PHLDB2: variants seen among roughly 807,000 people sequenced by gnomAD.
PHLDB2 encodes the protein pleckstrin homology-like domain family B member 2.
In PHLDB2, 71 loss-of-function variants were observed where a neutral mutation model predicts 123.6. That is an observed-to-expected ratio of 0.57 (90% CI 0.47 to 0.70). PHLDB2 has a LOEUF of 0.70. Among genes scored for constraint, PHLDB2 ranks in the 30% least tolerant of loss-of-function variants. The pLI is 0.00. For missense variants in PHLDB2, 1,446 were observed against 1,519.5 expected (o/e 0.95, Z 0.80); for synonymous variants, 547 against 541.6 (o/e 1.01, Z -0.14).
chr3:111,938,592 A>G (rs1056650300), intron 6 of PHLDB2, among the ~76,000 whole-genome samples: 2 of 152,166 alleles, frequency 1.3e-5, no homozygotes, highest in African/African-American at 4.8e-5. Flanking sequence ...AAGAAAATAA[A>G]CAATTAAAAA....
At chr3:111,821,141 G>A (rs1409150756) in intron 1 of PHLDB2, among the ~76,000 whole-genome samples, 4 of 152,092 alleles carry the variant, frequency 2.6e-5, no homozygotes, top group East Asian at 1.9e-4. Flanking sequence ...TAGCTGAATC[G>A]GGCCTGCTTT....
intron 17 of PHLDB2, 38 bp from the exon 18 acceptor site, chr3:111,974,385 T>C (rs1471208363): frequency 5.2e-6 from 8 of 1,530,078 alleles, no homozygotes; most frequent in Non-Finnish European, 7.1e-6. Flanking sequence ...TATTTTAAGA[T>C]GTTTATTTTA....
intron 1 of PHLDB2, among the ~76,000 whole-genome samples, chr3:111,772,699 G>A (rs1015802198): frequency 6.6e-6 from 1 of 152,158 alleles, no homozygotes; most frequent in South Asian, 2.1e-4. Context: ...AAAGGTTGCC[G>A]CAAGAGAATA....
At chr3:111,854,923 T>C (rs1029268448), upstream of PHLDB2, among the ~76,000 whole-genome samples, 1 of 152,168 alleles carries the variant, frequency 6.6e-6, no homozygotes, top group Non-Finnish European at 1.5e-5. Flanking sequence ...AGTCGACCCC[T>C]TGGGGAGAGG....
chr3:111,886,031 A>G (rs2066142472), intron 2 of PHLDB2, among the ~76,000 whole-genome samples: 1 of 152,226 alleles, frequency 6.6e-6, no homozygotes, highest in South Asian at 2.1e-4. Flanking sequence ...ATTTATACTT[A>G]TTGTTGAAAT....
intron 1 of PHLDB2, among the ~76,000 whole-genome samples, chr3:111,813,529 T>G (rs142496749): frequency 1.9e-3 from 288 of 152,280 alleles, no homozygotes; most frequent in African/African-American, 6.6e-3. Flanking sequence ...ATAAATGTAA[T>G]AGTAAATGTT....
chr3:111,867,359 T>C (rs1226430712), intron 1 of PHLDB2, among the ~76,000 whole-genome samples: 1 of 152,194 alleles, frequency 6.6e-6, no homozygotes, highest in Non-Finnish European at 1.5e-5. Context: ...GTAGCTTTTT[T>C]AAAAGATACT....
chr3:111,822,166 T>A (rs776970896), intron 1 of PHLDB2, among the ~76,000 whole-genome samples: 26 of 152,270 alleles, frequency 1.7e-4, no homozygotes, highest in Non-Finnish European at 3.2e-4. Flanking sequence ...CCAGTCCACT[T>A]TTTGATGCCA....
intron 1 of PHLDB2, among the ~76,000 whole-genome samples, chr3:111,798,248 G>A (rs2061243605): frequency 6.6e-6 from 1 of 152,070 alleles, no homozygotes; most frequent in South Asian, 2.1e-4. Flanking sequence ...CTTAAAAAAA[G>A]AAGAAGAAAA....
chr3:111,974,357 C>T lies in PHLDB2; in HGVS notation c.3622-66C>T, dbSNP rs2072429084. On this transcript the variant is annotated intron_variant, in intron 17 of 17. Transcript: ENST00000431670. ...AAATTTTGAAGAAGTCATCACATGT[C>T]TGTGTTATTTAATGTTGTATTTTAA... is the stretch of plus-strand genomic sequence containing the variant. The T allele has an allele frequency of 3.6e-6, 5 of 1,388,044 alleles. No individual in the cohort carries two copies. The East Asian group carries it at 1.2e-4, about 34-fold the overall frequency. 86.0% of individuals were successfully genotyped at this position (1,388,044 alleles called of 1,614,324 possible).
intron 1 of PHLDB2, among the ~76,000 whole-genome samples, chr3:111,824,674 G>C (rs1441237997): frequency 2.0e-5 from 3 of 152,218 alleles, no homozygotes; most frequent in African/African-American, 4.8e-5. Context: ...GCAGAACCTA[G>C]AGCTGAAAAG....
chr3:111,847,030 G>A (rs2064025197), intron 2 of PHLDB2, among the ~76,000 whole-genome samples: 1 of 152,194 alleles, frequency 6.6e-6, no homozygotes, highest in Non-Finnish European at 1.5e-5. Flanking sequence ...ACTGCAGGCA[G>A]TTTACTGTGA....
Position 111,974,472 on chromosome 3 carries a change from A to G in PHLDB2, c.3671A>G (p.Tyr1224Cys), listed in dbSNP as rs2072438339. The G allele has an allele frequency of 6.2e-7, 1 of 1,613,566 alleles. No individual in the cohort carries two copies. The highest frequency in any genetic ancestry group is 1.3e-5 in the African/African-American group (1 of 74,898). Residue 1224 changes from tyrosine (Y) to cysteine (C), a missense_variant, in exon 18 of 18, where the codon TAT (tyrosine) becomes TGT (cysteine). By Grantham distance (194) the Tyr-to-Cys change is radical (BLOSUM62 -2). This residue lies in a region of PHLDB2 where 594 missense variants were observed against 646.0 expected (regional missense o/e 0.92). Coordinates refer to ENST00000431670, the MANE Select transcript of PHLDB2 (RefSeq NM_001134438.2). ...AGCGTCAAGACTCATGACAGAATCTATTATATGGTAGCCCCATCGCCAGAA... is the reference window on the plus strand; with the variant it reads ...AGCGTCAAGACTCATGACAGAATCTGTTATATGGTAGCCCCATCGCCAGAA... ...TFSVKTHDRI[Y>C]YMVAPSPEAM...
At chr3:111,894,071 C>A (rs2066667148) in intron 2 of PHLDB2, among the ~76,000 whole-genome samples, 1 of 101,044 alleles carries the variant, frequency 9.9e-6, no homozygotes, top group African/African-American at 3.7e-5. Flanking sequence ...TCCCCCCACC[C>A]CACAACAGTC....
At chr3:111,807,940 C>T (rs1329725069) in intron 1 of PHLDB2, among the ~76,000 whole-genome samples, 1 of 105,566 alleles carries the variant, frequency 9.5e-6, no homozygotes, top group African/African-American at 3.7e-5. Flanking sequence ...TATAAATAAG[C>T]TGGGTGTTTT....
chr3:111,919,396 T>C (rs1175699299), intron 4 of PHLDB2, among the ~76,000 whole-genome samples, 181 bp downstream of exon 4: 1 of 151,862 alleles, frequency 6.6e-6, no homozygotes, highest in Non-Finnish European at 1.5e-5. Flanking sequence ...TTTCTTTCTT[T>C]TTTTTTCCAA....
chr3:111,868,947 A>G (rs901149706), intron 1 of PHLDB2, among the ~76,000 whole-genome samples: 4 of 152,222 alleles, frequency 2.6e-5, no homozygotes, highest in African/African-American at 7.2e-5. Flanking sequence ...TCAAGGGACT[A>G]GCACAAAACT....
intron 16 of PHLDB2, among the ~76,000 whole-genome samples, chr3:111,971,557 T>C (rs1389892720): frequency 1.3e-5 from 2 of 152,236 alleles, no homozygotes; most frequent in African/African-American, 4.8e-5. Context: ...ATGATATAAC[T>C]GGCTGGTGAG....
chr3:111,919,367 C>T, intron 4 of PHLDB2, 152 bp downstream of exon 4: 1 of 731,754 alleles, frequency 1.4e-6, no homozygotes, highest in Admixed American at 2.9e-5. Flanking sequence ...GTGAAAATAC[C>T]CTTTTTCTAC....
Sources: gnomAD v4.1 joint callset for allele counts (sites outside exome capture counted in the v4.1 genomes callset) on GRCh38, gnomAD v4.1.1 for gene constraint, gnomAD v4.1.1 regional missense constraint, MANE v1.5 for transcripts, NCBI Gene and HGNC (gene_info 2026-07-23, HGNC 2026-07-21) for gene names.